The following BCKDHB variants were observed in gnomAD, a reference collection of about 807,000 sequenced individuals.
The protein encoded by BCKDHB is 2-oxoisovalerate dehydrogenase subunit beta, mitochondrial.
A neutral mutation model predicts 48.5 loss-of-function variants in BCKDHB; 41 were observed. That is an observed-to-expected ratio of 0.85 (90% CI 0.66 to 1.10). The LOEUF (loss-of-function observed/expected upper bound fraction) is 1.10. Among genes scored for constraint, BCKDHB ranks in the 50% least tolerant of loss-of-function variants. BCKDHB has a pLI of 0.00. For synonymous variants in BCKDHB, 201 were observed against 174.8 expected (o/e 1.15, Z -1.18); for missense variants, 496 against 494.2 (o/e 1.00, Z -0.03).
At chr6:80,453,920 C>T in the BCKDHB span, among the ~76,000 whole-genome samples, 1 of 152,118 alleles carries the variant, frequency 6.6e-6, no homozygotes, top group African/African-American at 2.4e-5. Context: ...AGTGGTTCTT[C>T]ACTCTGCTTC....
At chr6:80,160,997 T>C (rs1367260909) in intron 3 of BCKDHB, among the ~76,000 whole-genome samples, 1 of 152,060 alleles carries the variant, frequency 6.6e-6, no homozygotes. Flanking sequence ...TGGTATTTAC[T>C]TTTTTTTGCC....
chr6:80,236,465 T>C (rs190187166), intron 8 of BCKDHB, among the ~76,000 whole-genome samples: 7 of 152,336 alleles, frequency 4.6e-5, no homozygotes, highest in Admixed American at 2.0e-4. Context: ...GCTGGAAAAG[T>C]GAAAATTTTA....
At chr6:80,210,454 G>T (rs1774870440) in intron 8 of BCKDHB, among the ~76,000 whole-genome samples, 1 of 152,248 alleles carries the variant, frequency 6.6e-6, no homozygotes, top group Non-Finnish European at 1.5e-5. Flanking sequence ...GGAAGAGTGT[G>T]TAAGGGCTAT....
chr6:80,307,408 A>C, intron 9 of BCKDHB: 1 of 983,328 alleles, frequency 1.0e-6, no homozygotes, highest in Non-Finnish European at 1.2e-6. Context: ...AACTGTATCC[A>C]ATATTAAATC....
Position 80,169,766 on chromosome 6 carries a change from G to A in BCKDHB, c.633+736G>A, listed in dbSNP as rs1425515702. ...GACCACATGAATTGATTGTGAGCAT[G>A]TGTCTATGTTTTATTCTTTTTTTCT... On this transcript the variant is annotated intron_variant, in intron 5 of 9. Transcript: ENST00000320393. 5.1e-6 allele frequency: 8 copies of A among 1,558,976 alleles called. No homozygotes were observed. In the African/African-American group the frequency reaches 5.5e-5, roughly 11 times the overall value.
chr6:80,194,144 T>C (rs1442990537), intron 6 of BCKDHB, among the ~76,000 whole-genome samples: 3 of 152,188 alleles, frequency 2.0e-5, no homozygotes, highest in Non-Finnish European at 2.9e-5. Flanking sequence ...TTGGTATACT[T>C]TCTGTTATAT....
chr6:80,130,174 G>A (rs1008915927), intron 3 of BCKDHB, among the ~76,000 whole-genome samples: 4 of 152,038 alleles, frequency 2.6e-5, no homozygotes, highest in Non-Finnish European at 5.9e-5. Flanking sequence ...CTATTGTTAG[G>A]GATACCTTTG....
At chr6:80,394,767 T>C in the BCKDHB span, among the ~76,000 whole-genome samples, 81 of 152,296 alleles carry the variant, frequency 5.3e-4, no homozygotes, top group Middle Eastern at 6.8e-3. Flanking sequence ...CTGCCTGATA[T>C]GGTTTGGGTG....
chr6:80,219,369 A>G (rs1775311283), intron 8 of BCKDHB, among the ~76,000 whole-genome samples: 2 of 151,914 alleles, frequency 1.3e-5, no homozygotes, highest in Admixed American at 6.6e-5. Flanking sequence ...ACGATGCACC[A>G]CTAATTTTGT....
the BCKDHB span, among the ~76,000 whole-genome samples, chr6:80,440,569 A>C: frequency 6.6e-6 from 1 of 151,004 alleles, no homozygotes; most frequent in Middle Eastern, 3.5e-3. Flanking sequence ...CCACATGCCC[A>C]TGTTTGTTAA....
At chr6:80,279,085 T>C (rs1778089146) in intron 9 of BCKDHB, among the ~76,000 whole-genome samples, 1 of 152,148 alleles carries the variant, frequency 6.6e-6, no homozygotes, top group African/African-American at 2.4e-5. Context: ...ATGAACTCTA[T>C]TTCTCTTCAA....
At chr6:80,218,449 A>C (rs1009358272) in intron 8 of BCKDHB, among the ~76,000 whole-genome samples, 1 of 152,190 alleles carries the variant, frequency 6.6e-6, no homozygotes, top group East Asian at 1.9e-4. Flanking sequence ...GTATACACGC[A>C]CACGTATGTG....
intron 3 of BCKDHB, among the ~76,000 whole-genome samples, chr6:80,130,758 G>A (rs575792775): frequency 3.3e-5 from 5 of 152,272 alleles, no homozygotes; most frequent in African/African-American, 1.2e-4. Context: ...GATAACCACT[G>A]TACACGTCTT....
the BCKDHB span, among the ~76,000 whole-genome samples, chr6:80,429,798 T>A: frequency 1.1e-4 from 16 of 152,322 alleles, no homozygotes; most frequent in African/African-American, 3.8e-4. Flanking sequence ...TATATGATCA[T>A]GTCATCTACA....
In BCKDHB at chr6:80,220,304, GT is replaced by G. The variant is rs56967096; in HGVS notation, c.951+17108del. The stretch of plus-strand genomic sequence containing the variant: ...CAGTTATTTTTGTATCATGCTATTT[GT>G]TTTTTTTTTTTTTTTGTCATGTATT... On this transcript the variant is annotated intron_variant, in intron 8 of 9. Transcript: ENST00000320393. 6.4e-3 allele frequency among the ~76,000 whole-genome samples: 392 copies of G among 60,864 alleles called. 5 individuals carry two copies. The highest frequency in any genetic ancestry group is 0.023 in the African/African-American group (347 of 14,982). The allele number at this position is 60,864 out of a possible 152,430, so 39.9% of individuals were successfully genotyped here. A position where few individuals can be genotyped will look rare whatever the true frequency, so the allele number is the denominator to read the frequency against.
the BCKDHB span, among the ~76,000 whole-genome samples, chr6:80,375,915 GTGTGTTGGTTT>G: frequency 4.6e-5 from 7 of 152,230 alleles, no homozygotes; most frequent in East Asian, 1.9e-4. Flanking sequence ...TTTTTATTAC[GTGTGTTGGTTT>G]TGTGTTGGTT....
At chr6:80,275,543 T>G (rs1369650450) in intron 9 of BCKDHB, among the ~76,000 whole-genome samples, 2 of 152,062 alleles carry the variant, frequency 1.3e-5, no homozygotes, top group Non-Finnish European at 2.9e-5. Context: ...AATTCAGATT[T>G]TATTTGCACA....
chr6:80,132,873 A>G (rs945768658), intron 3 of BCKDHB, among the ~76,000 whole-genome samples: 4 of 152,218 alleles, frequency 2.6e-5, no homozygotes, highest in African/African-American at 9.6e-5. Context: ...GCATATTTAA[A>G]AAGTAACATA....
the BCKDHB span, among the ~76,000 whole-genome samples, chr6:80,361,886 A>G: frequency 8.0e-3 from 1,216 of 152,332 alleles, 12 homozygotes; most frequent in African/African-American, 0.028. Flanking sequence ...TTCTGAGAGA[A>G]AGAACACGCA....
Sources: gnomAD v4.1 joint callset for allele counts (sites outside exome capture counted in the v4.1 genomes callset) on GRCh38, gnomAD v4.1.1 for gene constraint, MANE v1.5 for transcripts, NCBI Gene and HGNC (gene_info 2026-07-23, HGNC 2026-07-21) for gene names.